The following VTI1A variants were observed in gnomAD, a reference collection of about 807,000 sequenced individuals.
VTI1A encodes vesicle transport through interaction with t-SNAREs 1A.
Under a neutral mutation model 34.9 loss-of-function variants are expected in VTI1A, and 22 were observed. The observed-to-expected ratio is 0.63, with a 90% confidence interval of 0.45 to 0.90. The LOEUF is 0.90. Among genes scored for constraint, VTI1A ranks in the 40% least tolerant of loss-of-function variants. The probability of loss-of-function intolerance (pLI) is 0.00; values close to 1 mark genes in which losing one functional copy is unlikely to be tolerated. For synonymous variants in VTI1A, 87 were observed against 97.3 expected, an observed-to-expected ratio of 0.89 and a Z score of 0.62; for missense variants, 268 against 275.6, an observed-to-expected ratio of 0.97 and a Z score of 0.20.
intron 7 of VTI1A, among the ~76,000 whole-genome samples, chr10:112,676,426 C>T (rs1848029589): frequency 6.6e-6 from 1 of 152,076 alleles, no homozygotes. Context: ...GCTTCTTCTT[C>T]CCTTCTTTTG....
chr10:112,507,367 G>A (rs992854940), intron 3 of VTI1A, among the ~76,000 whole-genome samples: 6 of 152,160 alleles, frequency 3.9e-5, no homozygotes, highest in African/African-American at 1.4e-4. Flanking sequence ...TCTGAACCTT[G>A]AGAGAGTTCT....
Position 112,546,042 on chromosome 10 carries a change from G to GCA in VTI1A, c.427+7712_427+7713insCA, listed in dbSNP as rs1258041190. On this transcript the variant is annotated intron_variant, in intron 5 of 7. Transcript: ENST00000393077. Reference sequence around the variant, plus strand: ...TATACGTGTATACGCGTATGTGTGTGTATATACGTGTATACGCGTATGTGT... The same window carrying GCA: ...TATACGTGTATACGCGTATGTGTGTGCATATATACGTGTATACGCGTATGTGT... Among the ~76,000 whole-genome samples, 58 of 146,824 alleles carry GCA rather than the reference G, an allele frequency of 4.0e-4. 3 individuals carry two copies. Among genetic ancestry groups the GCA allele is most frequent in the Non-Finnish European group, 6.1e-4 (40 of 65,706 alleles).
chr10:112,605,939 C>T (rs1845059224), intron 5 of VTI1A, among the ~76,000 whole-genome samples: 2 of 152,132 alleles, frequency 1.3e-5, no homozygotes, highest in African/African-American at 2.4e-5. Flanking sequence ...TTTTAAAGCA[C>T]TGTGTGAGTC....
At chr10:112,693,880 A>G (rs1848692471) in intron 7 of VTI1A, among the ~76,000 whole-genome samples, 1 of 152,326 alleles carries the variant, frequency 6.6e-6, no homozygotes, top group African/African-American at 2.4e-5. Context: ...CCCACTGTAG[A>G]ACAAGGCATT....
At chr10:112,719,020 T>C (rs548962305) in intron 7 of VTI1A, among the ~76,000 whole-genome samples, 163 of 152,328 alleles carry the variant, frequency 1.1e-3, no homozygotes, top group Non-Finnish European at 1.9e-3. Flanking sequence ...ATGAACCTTT[T>C]TTTAGCTTTT....
chr10:112,536,557 T>G (rs1850621108), intron 4 of VTI1A, among the ~76,000 whole-genome samples: 1 of 152,104 alleles, frequency 6.6e-6, no homozygotes, highest in Admixed American at 6.6e-5. Context: ...TACAAGAAGC[T>G]TTCCTCTCTG....
chr10:112,813,773 A>C (rs1486544272), intron 7 of VTI1A, among the ~76,000 whole-genome samples: 1 of 152,214 alleles, frequency 6.6e-6, no homozygotes, highest in Non-Finnish European at 1.5e-5. Flanking sequence ...GTCGGAGTGC[A>C]GACTTTCTAG....
downstream of VTI1A, among the ~76,000 whole-genome samples, chr10:112,821,398 T>C (rs1296366018): frequency 6.6e-6 from 1 of 152,186 alleles, no homozygotes; most frequent in Non-Finnish European, 1.5e-5. Flanking sequence ...CCAGGCCCTC[T>C]CCAGCTCAGT....
chr10:112,810,922 T>G (rs749062974), intron 7 of VTI1A, among the ~76,000 whole-genome samples: 10 of 150,074 alleles, frequency 6.7e-5, no homozygotes, highest in Admixed American at 4.0e-4. Context: ...TCCCAGCTTT[T>G]GAAAACCAAG....
intron 5 of VTI1A, among the ~76,000 whole-genome samples, chr10:112,635,430 T>C (rs1236392441): frequency 6.6e-6 from 1 of 152,138 alleles, no homozygotes; most frequent in Non-Finnish European, 1.5e-5. Context: ...GTCTAGAATA[T>C]ATGCCAGAGA....
chr10:112,846,051 G>A, the VTI1A span, among the ~76,000 whole-genome samples: 2 of 152,154 alleles, frequency 1.3e-5, no homozygotes, highest in Non-Finnish European at 2.9e-5. Flanking sequence ...GAATTTTGAT[G>A]TCCTTTCTGG....
intron 7 of VTI1A, chr10:112,672,048 C>T (rs1196213883): frequency 6.6e-6 from 1 of 152,064 alleles, no homozygotes; most frequent in Non-Finnish European, 1.5e-5. Context: ...AACGGATTCT[C>T]AAAGCAGCTA....
At chr10:112,524,409 G>A (rs2134215507) in intron 3 of VTI1A, among the ~76,000 whole-genome samples, 1 of 152,198 alleles carries the variant, frequency 6.6e-6, no homozygotes, top group Middle Eastern at 3.4e-3. Context: ...GGAAAAGTCA[G>A]TCCTGTCAGA....
At chr10:112,523,250 C>T (rs1188059009) in intron 3 of VTI1A, among the ~76,000 whole-genome samples, 3 of 152,040 alleles carry the variant, frequency 2.0e-5, no homozygotes, top group Non-Finnish European at 2.9e-5. Context: ...TTGAACTTGG[C>T]TTTAAGAAAA....
intron 3 of VTI1A, among the ~76,000 whole-genome samples, chr10:112,467,890 C>T (rs1356897888): frequency 6.6e-6 from 1 of 152,132 alleles, no homozygotes; most frequent in African/African-American, 2.4e-5. Flanking sequence ...TAGAATGCAG[C>T]AGTGGTGAAC....
chr10:112,454,752 A>G (rs1369453357), intron 1 of VTI1A, among the ~76,000 whole-genome samples: 1 of 151,864 alleles, frequency 6.6e-6, no homozygotes, highest in Non-Finnish European at 1.5e-5. Flanking sequence ...TATATATTAA[A>G]TAGTATATTT....
rs576109352 is a variant in VTI1A at position 112,518,047 on chromosome 10, C to T, written c.265-9040C>T. Among the ~76,000 whole-genome samples, 4 of 152,092 alleles carry T rather than the reference C, an allele frequency of 2.6e-5. No homozygotes were observed. The East Asian group carries it at 7.7e-4, about 29-fold the overall frequency. On this transcript the variant is annotated intron_variant, in intron 3 of 7. Coordinates refer to ENST00000393077, the MANE Select transcript of VTI1A (RefSeq NM_145206.4). ...AAACTTTTTATAAATCTTAAACAAT[C>T]ATAAAATAAAAATTTCATTTATAAA... is the stretch of plus-strand genomic sequence containing the variant.
chr10:112,819,352 C>G (rs1364219345), downstream of VTI1A, among the ~76,000 whole-genome samples: 1 of 152,050 alleles, frequency 6.6e-6, no homozygotes, highest in Non-Finnish European at 1.5e-5. Context: ...AGTTCAGAGC[C>G]AAGTTCTGTT....
intron 7 of VTI1A, among the ~76,000 whole-genome samples, chr10:112,715,595 A>C (rs1849580326): frequency 6.6e-6 from 1 of 152,082 alleles, no homozygotes; most frequent in South Asian, 2.1e-4. Flanking sequence ...TAAAAAAAAA[A>C]CTTTATCTCA....
Sources: gnomAD v4.1 joint callset for allele counts (sites outside exome capture counted in the v4.1 genomes callset) on GRCh38, gnomAD v4.1.1 for gene constraint, MANE v1.5 for transcripts, NCBI Gene and HGNC (gene_info 2026-07-23, HGNC 2026-07-21) for gene names.